The following RPS6KC1 variants were observed in gnomAD, a reference collection of about 807,000 sequenced individuals.
The protein encoded by RPS6KC1 is ribosomal protein S6 kinase C1, also known as inactive ribosomal protein S6 kinase delta-1.
RPS6KC1 carries 54 observed loss-of-function variants against 103.8 expected under a neutral mutation model. The observed-to-expected ratio is 0.52, with a 90% CI of 0.42 to 0.65. RPS6KC1 has a LOEUF of 0.65. Among genes scored for constraint, RPS6KC1 ranks in the 30% least tolerant of loss-of-function variants. The pLI is 0.00. For synonymous variants in RPS6KC1, 439 were observed against 438.7 expected, an observed-to-expected ratio of 1.00 and a Z score of -0.01; for missense variants, 1,151 against 1,253.8, an observed-to-expected ratio of 0.92 and a Z score of 1.24.
intron 6 of RPS6KC1, among the ~76,000 whole-genome samples, chr1:213,148,090 T>G (rs1455815440): frequency 6.6e-6 from 1 of 152,248 alleles, no homozygotes; most frequent in Non-Finnish European, 1.5e-5. Flanking sequence ...TCTAATAATT[T>G]TCTTGTCTCT....
chr1:213,649,926 T>C, the RPS6KC1 span, among the ~76,000 whole-genome samples: 1 of 152,212 alleles, frequency 6.6e-6, no homozygotes, highest in African/African-American at 2.4e-5. Context: ...CAATATCTTC[T>C]AGACCTCTCG....
the RPS6KC1 span, among the ~76,000 whole-genome samples, chr1:213,599,474 G>T: frequency 6.6e-6 from 1 of 151,880 alleles, no homozygotes; most frequent in East Asian, 1.9e-4. Flanking sequence ...GAACGAGGGG[G>T]GGAAAAACAT....
chr1:213,417,209 A>G, the RPS6KC1 span, among the ~76,000 whole-genome samples: 1 of 152,002 alleles, frequency 6.6e-6, no homozygotes, highest in African/African-American at 2.4e-5. Flanking sequence ...AGAGCTCCTT[A>G]TACATTTGCT....
intron 6 of RPS6KC1, among the ~76,000 whole-genome samples, chr1:213,167,081 TC>T (rs1292516485): frequency 3.3e-5 from 5 of 152,164 alleles, no homozygotes; most frequent in African/African-American, 1.2e-4. Flanking sequence ...CCTCCCTTCT[TC>T]AACTGTGGCC....
chr1:213,622,372 T>TGCA, the RPS6KC1 span, among the ~76,000 whole-genome samples: 21 of 152,104 alleles, frequency 1.4e-4, no homozygotes, highest in Non-Finnish European at 2.1e-4. Context: ...GAATGCAAGT[T>TGCA]GCAGCCTCCT....
At position 213,115,229 on chromosome 1, in the gene RPS6KC1, G is replaced by T. The variant is rs1431799789; in HGVS notation, c.379-2088G>T. ...GCTATTGATTATTGCCACAATTTCA[G>T]ATCCTGTTATTGGTCTATTCAGAGA... On this transcript the variant is annotated intron_variant, in intron 4 of 14. Coordinates refer to ENST00000366960, the MANE Select transcript of RPS6KC1 (RefSeq NM_012424.6). Among the ~76,000 whole-genome samples the T allele has an allele frequency of 7.2e-5, 11 of 152,086 alleles. No homozygotes were observed. In the East Asian group the frequency reaches 1.9e-3, roughly 27 times the overall value.
intron 8 of RPS6KC1, among the ~76,000 whole-genome samples, chr1:213,227,718 G>A (rs1389201159): frequency 6.6e-6 from 1 of 152,196 alleles, no homozygotes; most frequent in Admixed American, 6.5e-5. Flanking sequence ...CCTCTCTCCA[G>A]TTCTTGCATG....
At chr1:213,417,158 C>T in the RPS6KC1 span, among the ~76,000 whole-genome samples, 1 of 152,178 alleles carries the variant, frequency 6.6e-6, no homozygotes, top group South Asian at 2.1e-4. Flanking sequence ...CCTCCTCCTC[C>T]TCGCTGCCTT....
chr1:213,178,061 T>C (rs2091996352), intron 8 of RPS6KC1, among the ~76,000 whole-genome samples: 1 of 150,948 alleles, frequency 6.6e-6, no homozygotes. Context: ...AAGCTGGGCA[T>C]GTAGTCCCAG....
At chr1:213,526,346 T>C in the RPS6KC1 span, among the ~76,000 whole-genome samples, 1 of 152,088 alleles carries the variant, frequency 6.6e-6, no homozygotes, top group African/African-American at 2.4e-5. Context: ...ATGAAGGAAG[T>C]GTAGTAGACA....
chr1:213,673,406 T>C, the RPS6KC1 span, among the ~76,000 whole-genome samples: 1 of 152,160 alleles, frequency 6.6e-6, no homozygotes, highest in Admixed American at 6.5e-5. Context: ...AAGAGGTGAA[T>C]TTGTCAGCCA....
intron 1 of RPS6KC1, among the ~76,000 whole-genome samples, chr1:213,062,650 G>A (rs1456837386): frequency 6.6e-6 from 1 of 151,668 alleles, no homozygotes; most frequent in Admixed American, 6.6e-5. Flanking sequence ...TCTGCCTCCC[G>A]GGTTCAAGGT....
the RPS6KC1 span, among the ~76,000 whole-genome samples, chr1:213,612,341 T>A: frequency 6.6e-6 from 1 of 152,322 alleles, no homozygotes; most frequent in Non-Finnish European, 1.5e-5. Context: ...CTTTCAAAAT[T>A]CATAATTTAC....
chr1:213,678,914 G>C, the RPS6KC1 span, among the ~76,000 whole-genome samples: 4 of 152,262 alleles, frequency 2.6e-5, no homozygotes, highest in Admixed American at 6.5e-5. Context: ...ATCTGCAAAG[G>C]GTGGCTCTAA....
the RPS6KC1 span, among the ~76,000 whole-genome samples, chr1:213,588,696 G>A: frequency 3.9e-5 from 6 of 152,128 alleles, no homozygotes; most frequent in Admixed American, 3.9e-4. Context: ...CATCTCCCAT[G>A]CACCTGCCCC....
intron 4 of RPS6KC1, among the ~76,000 whole-genome samples, chr1:213,113,648 G>T (rs1280219065): frequency 6.6e-6 from 1 of 151,230 alleles, no homozygotes; most frequent in Non-Finnish European, 1.5e-5. Context: ...CCTATGTCCT[G>T]AATGGTAATG....
the RPS6KC1 span, among the ~76,000 whole-genome samples, chr1:213,723,977 C>A: frequency 6.6e-6 from 1 of 152,190 alleles, no homozygotes; most frequent in Non-Finnish European, 1.5e-5. Flanking sequence ...TCATCCCCAA[C>A]CTTCAGGCAG....
chr1:213,544,034 C>T, the RPS6KC1 span, among the ~76,000 whole-genome samples: 1 of 151,728 alleles, frequency 6.6e-6, no homozygotes, highest in Non-Finnish European at 1.5e-5. Flanking sequence ...TGCACACACA[C>T]TCAAAGAGAA....
intron 8 of RPS6KC1, among the ~76,000 whole-genome samples, chr1:213,229,358 C>A (rs1458756203): frequency 6.6e-6 from 1 of 151,228 alleles, no homozygotes; most frequent in Non-Finnish European, 1.5e-5. Flanking sequence ...TTCTGTCTTT[C>A]CTTACCCAGT....
Sources: allele counts gnomAD v4.1 joint callset (sites outside exome capture counted in the v4.1 genomes callset), GRCh38; gene constraint gnomAD v4.1.1; transcripts MANE v1.5; gene names NCBI Gene and HGNC (gene_info 2026-07-23, HGNC 2026-07-21).